Variants in PMS1 observed in about 807,000 individuals in gnomAD.
PMS1 encodes PMS1 protein homolog 1.
PMS1 carries 79 observed loss-of-function variants against 93.1 expected under a neutral mutation model. The observed-to-expected ratio is 0.85, with a 90% CI of 0.71 to 1.02. The LOEUF is 1.02. PMS1 is among the 50% of genes least tolerant of loss of function. PMS1 has a pLI of 0.00. For synonymous variants in PMS1, 335 were observed against 363.4 expected, an observed-to-expected ratio of 0.92 and a Z score of 0.89; for missense variants, 1,064 against 1,085.3, an observed-to-expected ratio of 0.98 and a Z score of 0.28.
chr2:189,811,021 A>G (rs1025239275), intron 4 of PMS1, among the ~76,000 whole-genome samples: 4 of 151,914 alleles, frequency 2.6e-5, no homozygotes. Flanking sequence ...AGAAGAAAAG[A>G]TGGTCAAAAC....
At chr2:189,801,880 G>A (rs2049920618) in intron 3 of PMS1, among the ~76,000 whole-genome samples, 1 of 152,162 alleles carries the variant, frequency 6.6e-6, no homozygotes, top group African/African-American at 2.4e-5. Flanking sequence ...AAGATCATTA[G>A]ACTTGCTTAT....
intron 12 of PMS1, among the ~76,000 whole-genome samples, chr2:189,874,761 T>C (rs5743192): frequency 0.013 from 1,923 of 152,298 alleles, 37 homozygotes; most frequent in African/African-American, 0.044. Flanking sequence ...TTAGGAACTT[T>C]GTCATGTGGA....
At chr2:189,833,325 C>T (rs1420354627) in intron 5 of PMS1, among the ~76,000 whole-genome samples, 4 of 152,156 alleles carry the variant, frequency 2.6e-5, no homozygotes, top group Non-Finnish European at 5.9e-5. Context: ...TGCAGTGGCT[C>T]ACACCTGTAA....
intron 9 of PMS1, among the ~76,000 whole-genome samples, chr2:189,861,656 G>A (rs935700912): frequency 6.6e-6 from 1 of 151,516 alleles, no homozygotes; most frequent in Non-Finnish European, 1.5e-5. Context: ...GGCTGAGGCA[G>A]GAAAATCGCT....
rs544030186 is a variant in PMS1 at position 189,815,423 on chromosome 2, G to A, written c.419-2594G>A. Among the ~76,000 whole-genome samples, 4 of 152,280 alleles carry A rather than the reference G, an allele frequency of 2.6e-5. No homozygotes were observed. The East Asian group carries it at 7.7e-4, about 29-fold the overall frequency. On this transcript the variant is annotated intron_variant, in intron 4 of 12. Coordinates refer to ENST00000441310, the MANE Select transcript of PMS1 (RefSeq NM_000534.5). ...CCGTAATCCCTATGTGTTTAGAGAA[G>A]GTGGTGATTGGCTCATGAGGGCAGT...
intron 3 of PMS1, among the ~76,000 whole-genome samples, chr2:189,799,557 C>T (rs1014291637): frequency 6.6e-6 from 1 of 152,172 alleles, no homozygotes; most frequent in Non-Finnish European, 1.5e-5. Flanking sequence ...ATTATTTTGG[C>T]ACAGAGTTTT....
At chr2:189,807,834 A>T (rs1326520636) in intron 4 of PMS1, among the ~76,000 whole-genome samples, 1 of 152,200 alleles carries the variant, frequency 6.6e-6, no homozygotes, top group Non-Finnish European at 1.5e-5. Context: ...AACAAGAATA[A>T]ATACTTAGAA....
chr2:189,874,825 A>G (rs2057423729), intron 12 of PMS1, among the ~76,000 whole-genome samples: 1 of 152,208 alleles, frequency 6.6e-6, no homozygotes, highest in Non-Finnish European at 1.5e-5. Flanking sequence ...TAGAGACTTC[A>G]AGGGAATATT....
chr2:189,804,756 T>C (rs1288383660), intron 3 of PMS1, among the ~76,000 whole-genome samples: 1 of 152,126 alleles, frequency 6.6e-6, no homozygotes, highest in Non-Finnish European at 1.5e-5. Flanking sequence ...TAGATTTACT[T>C]TAGAATATTC....
chr2:189,793,470 C>T (rs954195748), intron 2 of PMS1, among the ~76,000 whole-genome samples: 12 of 152,046 alleles, frequency 7.9e-5, no homozygotes, highest in African/African-American at 2.7e-4. Context: ...GCTTTATAAA[C>T]GAGAAAACAA....
intron 9 of PMS1, chr2:189,857,531 G>A (rs5743143): frequency 2.4e-5 from 11 of 460,834 alleles, no homozygotes; most frequent in East Asian, 7.1e-5. Flanking sequence ...GAGAGTAGAC[G>A]CCTCTTCTAT....
At chr2:189,866,873 G>A (rs531885208) in intron 10 of PMS1, among the ~76,000 whole-genome samples, 1 of 152,290 alleles carries the variant, frequency 6.6e-6, no homozygotes, top group African/African-American at 2.4e-5. Context: ...TTGCTATACA[G>A]TATCATAATC....
chr2:189,876,900 T>C (rs573563287), intron 12 of PMS1, among the ~76,000 whole-genome samples: 245 of 151,616 alleles, frequency 1.6e-3, no homozygotes, highest in African/African-American at 5.8e-3. Flanking sequence ...CCTGAGCCAC[T>C]GCACCCAGCC....
chr2:189,858,573 T>C (rs2055607928), intron 9 of PMS1, among the ~76,000 whole-genome samples: 1 of 152,132 alleles, frequency 6.6e-6, no homozygotes, highest in Admixed American at 6.6e-5. Flanking sequence ...GTACCATATG[T>C]GAAAATTTGC....
intron 5 of PMS1, among the ~76,000 whole-genome samples, chr2:189,831,282 A>G (rs1019500301): frequency 1.3e-5 from 2 of 152,182 alleles, no homozygotes; most frequent in African/African-American, 2.4e-5. Flanking sequence ...TTAAGTAGGG[A>G]ATTGACATGA....
At chr2:189,826,457 T>A (rs2052439052) in intron 5 of PMS1, among the ~76,000 whole-genome samples, 1 of 151,972 alleles carries the variant, frequency 6.6e-6, no homozygotes, top group Admixed American at 6.5e-5. Flanking sequence ...GGTCTTTTTT[T>A]TTTTTTTGCT....
At chr2:189,867,654 A>C in intron 10 of PMS1, 145 bp from the exon 11 acceptor site, 1 of 628,654 alleles carries the variant, frequency 1.6e-6, no homozygotes, top group East Asian at 2.8e-5. Context: ...AATGTAAAAC[A>C]GTGATTTCTC....
Position 189,854,802 on chromosome 2 carries a change from GAA to G in PMS1, c.1531_1532del (p.Asn511TyrfsTer2). The G allele has an allele frequency of 6.2e-7, 1 of 1,613,204 alleles. No homozygotes were observed. The highest frequency in any genetic ancestry group is 1.3e-5 in the African/African-American group (1 of 74,980). The part of the protein sequence containing the change: ...GNILKNSVGE[N>X]IEPVKILVPE... ...ATATACTTAAAAATTCAGTGGGAGA[GAA>G]TATTGAACCTGTGAAAATTTTAGTG... is the stretch of plus-strand genomic sequence containing the variant. On this transcript the variant is annotated frameshift_variant, in exon 9 of 13. Coordinates refer to ENST00000441310, the MANE Select transcript of PMS1 (RefSeq NM_000534.5). LOFTEE classifies it high-confidence loss of function.
chr2:189,848,531 G>A (rs917565315), intron 6 of PMS1, among the ~76,000 whole-genome samples: 5 of 152,126 alleles, frequency 3.3e-5, no homozygotes, highest in South Asian at 2.1e-4. Flanking sequence ...CTTACCCATT[G>A]AATTTTTATT....
Sources: allele counts gnomAD v4.1 joint callset (sites outside exome capture counted in the v4.1 genomes callset), GRCh38; gene constraint gnomAD v4.1.1; transcripts MANE v1.5; gene names NCBI Gene and HGNC (gene_info 2026-07-23, HGNC 2026-07-21).